NLGN1: variants seen among roughly 807,000 people sequenced by gnomAD.
NLGN1 encodes neuroligin-1.
Under a neutral mutation model 65.5 loss-of-function variants are expected in NLGN1, and 12 were observed. The ratio of observed to expected loss-of-function variants is 0.18; its 90% CI spans 0.12 to 0.30. NLGN1 has a LOEUF of 0.30. Ranked by LOEUF, NLGN1 falls within the 10% of genes least tolerant of loss-of-function variation. The pLI is 1.00. For missense variants in NLGN1, 750 were observed against 1,007.1 expected, an observed-to-expected ratio of 0.74 and a Z score of 3.46; for synonymous variants, 350 against 359.5, an observed-to-expected ratio of 0.97 and a Z score of 0.30.
At chr3:174,026,891 T>A (rs753349707) in intron 4 of NLGN1, among the ~76,000 whole-genome samples, 8 of 152,138 alleles carry the variant, frequency 5.3e-5, no homozygotes, top group Non-Finnish European at 1.2e-4. Context: ...ACTGCTTTTG[T>A]ACTAAATATT....
chr3:173,791,542 G>T (rs1490875635), intron 3 of NLGN1, among the ~76,000 whole-genome samples: 8 of 148,042 alleles, frequency 5.4e-5, no homozygotes, highest in East Asian at 2.0e-4. Context: ...TTCTTTTAAA[G>T]GCACTTCAAT....
chr3:174,111,846 A>G (rs933883377), intron 4 of NLGN1, among the ~76,000 whole-genome samples: 1 of 151,982 alleles, frequency 6.6e-6, no homozygotes. Context: ...TGAACGTGCA[A>G]GGAAAGTATG....
intron 4 of NLGN1, among the ~76,000 whole-genome samples, chr3:174,188,740 A>G (rs1005722215): frequency 3.3e-5 from 5 of 151,948 alleles, no homozygotes; most frequent in Non-Finnish European, 7.4e-5. Flanking sequence ...TTATCCTCAA[A>G]ATAACACTAG....
intron 4 of NLGN1, among the ~76,000 whole-genome samples, chr3:173,809,239 T>C (rs567946928): frequency 6.6e-6 from 1 of 152,292 alleles, no homozygotes; most frequent in African/African-American, 2.4e-5. Context: ...CAGTGAAAAC[T>C]CTGTGTATTT....
At chr3:173,629,995 A>G (rs1247129119) in intron 3 of NLGN1, among the ~76,000 whole-genome samples, 2 of 152,168 alleles carry the variant, frequency 1.3e-5, no homozygotes, top group African/African-American at 4.8e-5. Context: ...ACAAGGGGTT[A>G]TTTGAGAAGT....
intron 2 of NLGN1, among the ~76,000 whole-genome samples, chr3:173,564,525 G>A (rs9873549): frequency 0.052 from 7,899 of 152,248 alleles, 652 homozygotes; most frequent in African/African-American, 0.18. Flanking sequence ...TTGACCATAT[G>A]AGACAATGTT....
chr3:174,048,576 T>G (rs919336432), intron 4 of NLGN1, among the ~76,000 whole-genome samples: 1 of 150,822 alleles, frequency 6.6e-6, no homozygotes, highest in Non-Finnish European at 1.5e-5. Flanking sequence ...AGATTAGAGA[T>G]ATGAAAAAAA....
chr3:174,215,499 G>A (rs1364221783), intron 4 of NLGN1, among the ~76,000 whole-genome samples: 1 of 152,116 alleles, frequency 6.6e-6, no homozygotes, highest in East Asian at 1.9e-4. Context: ...GGGACTATTT[G>A]CATATTAGTA....
intron 2 of NLGN1, among the ~76,000 whole-genome samples, chr3:173,539,860 ATG>A (rs1356725437): frequency 2.4e-5 from 3 of 122,548 alleles, no homozygotes; most frequent in East Asian, 3.9e-4. Context: ...TATGTTATGT[ATG>A]TGTTATATAT....
At chr3:174,169,472 G>C (rs1187746669) in intron 4 of NLGN1, among the ~76,000 whole-genome samples, 1 of 151,294 alleles carries the variant, frequency 6.6e-6, no homozygotes, top group African/African-American at 2.4e-5. Flanking sequence ...AGGTGGTTCA[G>C]GCTGCTGAAA....
chr3:173,814,296 G>A (rs1718584987), intron 4 of NLGN1, among the ~76,000 whole-genome samples: 1 of 152,228 alleles, frequency 6.6e-6, no homozygotes, highest in Admixed American at 6.5e-5. Context: ...TAGAGCAATG[G>A]ATGGTTTATT....
At chr3:173,950,632 G>A (rs1047370702) in intron 4 of NLGN1, among the ~76,000 whole-genome samples, 2 of 151,926 alleles carry the variant, frequency 1.3e-5, no homozygotes, top group Admixed American at 6.6e-5. Context: ...GGCCAATGTG[G>A]CGAAACCCTG....
At position 173,776,911 on chromosome 3, in the gene NLGN1, C is replaced by A. The variant is rs150768062; in HGVS notation, c.494-30769C>A. On this transcript the variant is annotated intron_variant, in intron 3 of 6. Coordinates refer to ENST00000457714, the Ensembl canonical transcript of NLGN1. ...CTGAACACACATATCAAACCTGTGACCCTGATCTCATTATCATCATAATCT... is the reference window on the plus strand; with the variant it reads ...CTGAACACACATATCAAACCTGTGAACCTGATCTCATTATCATCATAATCT... Among the ~76,000 whole-genome samples, 1,069 of 152,034 alleles carry A rather than the reference C, an allele frequency of 7.0e-3. 18 individuals are homozygous for A. Among genetic ancestry groups the A allele is most frequent in the African/African-American group, 0.023 (967 of 41,532 alleles).
chr3:174,279,701 C>T lies in NLGN1; in HGVS notation c.1649+51C>T. ...TTTTTAATAAAAATGTTATTTTAAC[C>T]ATTTTAAAATAATAGATATTTATGC... On this transcript the variant is annotated intron_variant, in intron 6 of 6. Transcript: ENST00000457714. This position sits in a 1 kb window ranked among gnomAD's most constrained non-coding sequence, Gnocchi z 4.7. 8.9e-7 allele frequency: 1 copy of T among 1,124,146 alleles called. No homozygotes were observed. Among genetic ancestry groups the T allele is most frequent in the East Asian group, 2.6e-5 (1 of 38,940 alleles). 69.6% of individuals were successfully genotyped at this position (1,124,146 alleles called of 1,614,324 possible).
In NLGN1 at chr3:173,545,046, G is replaced by A. The variant is rs530344143; in HGVS notation, c.-320-59233G>A. ...GATAACTCTGCAAAGTTTTGTGTGT[G>A]TGTGTGTGTGGTTGTTTTTTTTGTT... is the stretch of plus-strand genomic sequence containing the variant. On this transcript the variant is annotated intron_variant, in intron 2 of 6. Transcript: ENST00000457714. Among the ~76,000 whole-genome samples, 28 of 149,460 alleles carry A rather than the reference G, an allele frequency of 1.9e-4. 1 individual carries two copies. The highest frequency in any genetic ancestry group is 1.8e-4 in the Non-Finnish European group (12 of 67,708).
chr3:174,243,785 C>G (rs1376707795), intron 4 of NLGN1, among the ~76,000 whole-genome samples: 1 of 152,188 alleles, frequency 6.6e-6, no homozygotes, highest in East Asian at 1.9e-4. Context: ...CGACAACTAT[C>G]CTGAGTATAC....
At chr3:174,141,249 A>G (rs1034947479) in intron 4 of NLGN1, among the ~76,000 whole-genome samples, 2 of 152,170 alleles carry the variant, frequency 1.3e-5, no homozygotes, top group African/African-American at 4.8e-5. Context: ...GTTAACAGGA[A>G]TAGGATTATA....
At chr3:173,867,806 A>G (rs914341538) in intron 4 of NLGN1, among the ~76,000 whole-genome samples, 3 of 152,100 alleles carry the variant, frequency 2.0e-5, no homozygotes, top group African/African-American at 7.2e-5. Context: ...ATAGGTTGGG[A>G]AGTTTAAAAT....
At chr3:173,816,635 C>T (rs1719091024) in intron 4 of NLGN1, among the ~76,000 whole-genome samples, 1 of 152,250 alleles carries the variant, frequency 6.6e-6, no homozygotes, top group African/African-American at 2.4e-5. Context: ...AACTTCATCC[C>T]TGCCTTGTCT....
Sources: gnomAD v4.1 joint callset for allele counts (sites outside exome capture counted in the v4.1 genomes callset) on GRCh38, gnomAD v4.1.1 for gene constraint, Gnocchi (gnomAD v3.1) non-coding constraint, MANE v1.5 for transcripts, NCBI Gene and HGNC (gene_info 2026-07-23, HGNC 2026-07-21) for gene names.